FAR2: variants seen among roughly 807,000 people sequenced by gnomAD.
FAR2 encodes the protein epididymis secretory protein Li 81.
Under a neutral mutation model 56.0 loss-of-function variants are expected in FAR2, and 19 were observed. That is an observed-to-expected ratio of 0.34 (90% CI 0.24 to 0.50). FAR2 has a LOEUF of 0.50. Among genes scored for constraint, FAR2 ranks in the 20% least tolerant of loss-of-function variants. FAR2 has a pLI of 0.98. For missense variants in FAR2, 508 were observed against 642.2 expected, an observed-to-expected ratio of 0.79 and a Z score of 2.26; for synonymous variants, 219 against 218.8, an observed-to-expected ratio of 1.00 and a Z score of -0.01.
rs1275014161 is a variant in FAR2, at chr12:29,211,081, G to A, written c.-38-59331G>A. Among the ~76,000 whole-genome samples, 5 of 152,052 alleles carry A rather than the reference G, an allele frequency of 3.3e-5. No individual in the cohort carries two copies. In the East Asian group the frequency reaches 5.8e-4, roughly 18 times the overall value. On this transcript the variant is annotated intron_variant, in intron 1 of 11. Transcript: ENST00000536681. ...GTAGGTTTTCATGAAACTGATCTCT[G>A]TAGGGTTGATTTTTAGTCTGGCTTC...
At chr12:29,310,807 G>A (rs1949334673) in intron 6 of FAR2, among the ~76,000 whole-genome samples, 1 of 152,138 alleles carries the variant, frequency 6.6e-6, no homozygotes, top group South Asian at 2.1e-4. Context: ...GGAACGTGAG[G>A]AACACTAGTA....
intron 2 of FAR2, among the ~76,000 whole-genome samples, chr12:29,284,672 A>T: frequency 6.6e-6 from 1 of 152,230 alleles, no homozygotes; most frequent in East Asian, 1.9e-4. Context: ...TGAGACTATC[A>T]CTGGCAGTTC....
At chr12:29,190,551 G>A (rs1052163972) in intron 1 of FAR2, among the ~76,000 whole-genome samples, 2 of 152,086 alleles carry the variant, frequency 1.3e-5, no homozygotes, top group East Asian at 1.9e-4. Flanking sequence ...TGAAATCTCC[G>A]ACTCCCGGGT....
intron 1 of FAR2, among the ~76,000 whole-genome samples, chr12:29,270,105 T>C (rs897431079): frequency 6.6e-6 from 1 of 152,226 alleles, no homozygotes; most frequent in African/African-American, 2.4e-5. Flanking sequence ...TAGCACTTAC[T>C]ATATTGTATT....
At chr12:29,319,941 C>T (rs1450313862) in intron 9 of FAR2, among the ~76,000 whole-genome samples, 2 of 152,170 alleles carry the variant, frequency 1.3e-5, no homozygotes, top group African/African-American at 4.8e-5. Flanking sequence ...GTGGCTCACA[C>T]CTGTAACCCC....
intron 4 of FAR2, among the ~76,000 whole-genome samples, chr12:29,300,045 A>C (rs893218646): frequency 7.9e-5 from 12 of 152,200 alleles, no homozygotes; most frequent in Non-Finnish European, 8.8e-5. Context: ...TCCTCTTTGC[A>C]TCTCCAGCTA....
At chr12:29,171,060 G>A (rs1009570631) in intron 1 of FAR2, among the ~76,000 whole-genome samples, 1 of 152,272 alleles carries the variant, frequency 6.6e-6, no homozygotes, top group African/African-American at 2.4e-5. Context: ...TGACAACTGA[G>A]GAGGTGGAAG....
intron 1 of FAR2, among the ~76,000 whole-genome samples, chr12:29,201,758 T>C (rs893011469): frequency 6.6e-6 from 1 of 152,224 alleles, no homozygotes; most frequent in African/African-American, 2.4e-5. Context: ...TGTCACTATA[T>C]AAAATTGAAA....
chr12:29,174,652 C>A (rs527783001), intron 1 of FAR2, among the ~76,000 whole-genome samples: 86 of 152,088 alleles, frequency 5.7e-4, no homozygotes, highest in African/African-American at 1.9e-3. Flanking sequence ...GATCTCCTGA[C>A]CTCATGATCC....
At chr12:29,188,747 G>GT (rs145703801) in intron 1 of FAR2, among the ~76,000 whole-genome samples, 146 of 147,574 alleles carry the variant, frequency 9.9e-4, no homozygotes, top group African/African-American at 3.4e-3. Context: ...GTCTTTTCTT[G>GT]TTTTTTTGTT....
chr12:29,205,865 T>G (rs1947472827), intron 1 of FAR2, among the ~76,000 whole-genome samples: 1 of 152,138 alleles, frequency 6.6e-6, no homozygotes, highest in African/African-American at 2.4e-5. Flanking sequence ...TAGCTGTATT[T>G]TATTTTTCTG....
chr12:29,221,878 C>CG (rs1194082307), intron 1 of FAR2, among the ~76,000 whole-genome samples: 1 of 151,980 alleles, frequency 6.6e-6, no homozygotes, highest in Non-Finnish European at 1.5e-5. Context: ...GACGGAGTCT[C>CG]GCTCTGTCAC....
At chr12:29,195,146 T>C (rs190107897) in intron 1 of FAR2, among the ~76,000 whole-genome samples, 38 of 152,352 alleles carry the variant, frequency 2.5e-4, no homozygotes, top group Admixed American at 2.2e-3. Flanking sequence ...TTATTTGATG[T>C]TGGAGATGTC....
At chr12:29,299,252 A>G (rs1156841411) in intron 4 of FAR2, among the ~76,000 whole-genome samples, 3 of 151,806 alleles carry the variant, frequency 2.0e-5, no homozygotes, top group Non-Finnish European at 4.4e-5. Flanking sequence ...AAAAGAAAAG[A>G]AAAGAAGTAA....
At chr12:29,312,194 A>G (rs1327767340) in intron 8 of FAR2, among the ~76,000 whole-genome samples, 4 of 152,184 alleles carry the variant, frequency 2.6e-5, no homozygotes, top group Admixed American at 2.6e-4. Flanking sequence ...GGCTATAGCG[A>G]TTTTAAAAAT....
chr12:29,232,315 G>A (rs1240147928), intron 1 of FAR2, among the ~76,000 whole-genome samples: 1 of 152,068 alleles, frequency 6.6e-6, no homozygotes, highest in Non-Finnish European at 1.5e-5. Context: ...CACATCCTTT[G>A]CACCCTTGGC....
At chr12:29,152,639 A>G (rs968187923) in intron 1 of FAR2, among the ~76,000 whole-genome samples, 4 of 152,254 alleles carry the variant, frequency 2.6e-5, no homozygotes, top group Admixed American at 2.6e-4. Context: ...AGGGGCATGC[A>G]GTGTACTTTA....
intron 1 of FAR2, among the ~76,000 whole-genome samples, chr12:29,152,061 T>A (rs892304111): frequency 6.6e-6 from 1 of 152,222 alleles, no homozygotes; most frequent in Non-Finnish European, 1.5e-5. Context: ...ATTCAGTGTG[T>A]TAAATACTCC....
At chr12:29,242,897 T>G (rs1232526813) in intron 1 of FAR2, among the ~76,000 whole-genome samples, 1 of 152,176 alleles carries the variant, frequency 6.6e-6, no homozygotes, top group South Asian at 2.1e-4. Flanking sequence ...AATCCCCTTA[T>G]CTGTAAAAAT....
Sources: allele counts gnomAD v4.1 joint callset (sites outside exome capture counted in the v4.1 genomes callset), GRCh38; gene constraint gnomAD v4.1.1; transcripts MANE v1.5; gene names NCBI Gene and HGNC (gene_info 2026-07-23, HGNC 2026-07-21).